Variants in IST1 observed in about 807,000 individuals in gnomAD.
IST1 encodes IST1 factor associated with ESCRT-III, also known as IST1 homolog.
IST1 carries 23 observed loss-of-function variants against 37.0 expected under a neutral mutation model. That is an observed-to-expected ratio of 0.62 (90% CI 0.45 to 0.88). The LOEUF is 0.88. IST1 is among the 40% of genes least tolerant of loss of function. The probability of loss-of-function intolerance (pLI) is 0.00; values close to 1 mark genes in which losing one functional copy is unlikely to be tolerated. For missense variants in IST1, 488 were observed against 445.4 expected, an observed-to-expected ratio of 1.10 and a Z score of -0.86; for synonymous variants, 180 against 161.7, an observed-to-expected ratio of 1.11 and a Z score of -0.86.
chr16:71,915,792 C>A (rs2037454170), intron 2 of IST1, 64 bp downstream of exon 2: 2 of 971,416 alleles, frequency 2.1e-6, no homozygotes, highest in Non-Finnish European at 1.6e-6. Context: ...AGTAATGGGT[C>A]TTTCAGGCCA....
At chr16:71,911,865 C>T (rs896434530) in intron 1 of IST1, among the ~76,000 whole-genome samples, 2 of 151,976 alleles carry the variant, frequency 1.3e-5, no homozygotes, top group Non-Finnish European at 2.9e-5. Context: ...TACAGGCTCG[C>T]ACCACCATGC....
intron 7 of IST1, chr16:71,923,009 T>TAGATA (rs1567473310): frequency 4.2e-6 from 2 of 476,480 alleles, no homozygotes; most frequent in Non-Finnish European, 3.7e-6. Context: ...ACAACCTTTG[T>TAGATA]AGATAAGATG....
rs954198150 is a variant in IST1 at position 71,930,330 on chromosome 16, G to A, written c.*2517G>A. On this transcript the variant is annotated 3_prime_UTR_variant, in exon 10 of 10. Coordinates refer to ENST00000378799, the MANE Select transcript of IST1 (RefSeq NM_001270975.2). Reference sequence around the variant, plus strand: ...GAGAGAGTCAAAAGATAATAAGAAGGAAAATACTTTTAAATGGACAGAAGA... The same window carrying A: ...GAGAGAGTCAAAAGATAATAAGAAGAAAAATACTTTTAAATGGACAGAAGA... The A allele has an allele frequency of 6.5e-6, 5 of 765,558 alleles. No individual in the cohort carries two copies. The highest frequency in any genetic ancestry group is 3.5e-5 in the Admixed American group (1 of 28,190). 47.4% of individuals were successfully genotyped at this position (765,558 alleles called of 1,614,324 possible).
chr16:71,897,172 C>CTT (rs35671031), intron 1 of IST1, among the ~76,000 whole-genome samples: 2 of 65,508 alleles, frequency 3.1e-5, no homozygotes, highest in Non-Finnish European at 5.5e-5. Flanking sequence ...CCACGCCTGG[C>CTT]TTTTTTTTTT....
In IST1 at chr16:71,929,660, C is replaced by G; in HGVS notation, c.*1847C>G. On this transcript the variant is annotated 3_prime_UTR_variant, in exon 10 of 10. Transcript: ENST00000378799. ...TTTGAGAGCTTCTGTAGCAGTGTAT[C>G]TATTAGTGCAGCTTCTTTCTGAGTA... The G allele has an allele frequency of 1.3e-6, 2 of 1,548,794 alleles. No individual in the cohort carries two copies. The highest frequency in any genetic ancestry group is 1.7e-6 in the Non-Finnish European group (2 of 1,146,142).
intron 1 of IST1, among the ~76,000 whole-genome samples, chr16:71,910,616 A>AG (rs1178538562): frequency 6.6e-6 from 1 of 151,438 alleles, no homozygotes; most frequent in East Asian, 1.9e-4. Flanking sequence ...AAAAAAAAAA[A>AG]AAGAAAAAAA....
rs763645311 is a variant in IST1, at chr16:71,915,639, G to A, written c.-2G>A. The A allele has an allele frequency of 1.9e-6, 3 of 1,610,068 alleles. No individual in the cohort carries two copies. In the Admixed American group the frequency reaches 5.1e-5, roughly 27 times the overall value. On this transcript the variant is annotated 5_prime_UTR_variant, in exon 2 of 10. Transcript: ENST00000378799. Reference sequence around the variant, plus strand: ...TTCTGTTTCTAGGAGGAACAGCACAGCATGCTGGGCTCTGGATTTAAAGCT... The same window carrying A: ...TTCTGTTTCTAGGAGGAACAGCACAACATGCTGGGCTCTGGATTTAAAGCT...
chr16:71,908,528 G>T (rs1484012972), intron 1 of IST1, among the ~76,000 whole-genome samples: 3 of 151,978 alleles, frequency 2.0e-5, no homozygotes, highest in African/African-American at 7.3e-5. Flanking sequence ...AATACCACCC[G>T]CCTTGGCCTC....
rs749874324 is a variant in IST1 at position 71,923,368 on chromosome 16, A to G, written c.840A>G (p.Pro280=). 28 of 1,603,204 alleles carry G rather than the reference A, an allele frequency of 1.7e-5. No individual in the cohort carries two copies. The highest frequency in any genetic ancestry group is 1.6e-4 in the Middle Eastern group (1 of 6,064). Residue 280 remains proline (P), a synonymous_variant, in exon 8 of 10, where the codon CCA becomes CCG. Transcript: ENST00000378799. The part of the protein sequence containing the change: ...IHPPQIPATP[P]SYESVDDINA... ...CACCTCAGATACCAGCAACTCCCCC[A>G]TCGTATGAATCTGTAAGTGCCTGAG...
In IST1 at chr16:71,912,825, C is replaced by G. The variant is rs187072674; in HGVS notation, c.-15-2801C>G. Reference sequence around the variant, plus strand: ...TTCTGTTTCTCTGAATTTTAGATACCTCACAAAAGCAGAATCTTACAGTAT... The same window carrying G: ...TTCTGTTTCTCTGAATTTTAGATACGTCACAAAAGCAGAATCTTACAGTAT... On this transcript the variant is annotated intron_variant, in intron 1 of 9. Transcript: ENST00000378799. 4.0e-4 allele frequency among the ~76,000 whole-genome samples: 61 copies of G among 152,310 alleles called. 1 individual carries two copies. Among genetic ancestry groups the G allele is most frequent in the Admixed American group, 3.9e-3 (60 of 15,292 alleles).
At chr16:71,906,922 T>C (rs2018384) in intron 1 of IST1, among the ~76,000 whole-genome samples, 121,051 of 151,950 alleles carry the variant, frequency 0.8, 48,586 homozygotes, top group East Asian at 0.98. Context: ...CCCAGCTACT[T>C]GGGAGGCTGA....
intron 1 of IST1, among the ~76,000 whole-genome samples, chr16:71,909,222 C>G (rs1344549814): frequency 2.6e-5 from 4 of 151,712 alleles, no homozygotes; most frequent in Admixed American, 2.0e-4. Flanking sequence ...AGCCTCCCAC[C>G]TCACCCTTGC....
At chr16:71,924,991 T>C (rs1213471314) in intron 9 of IST1, among the ~76,000 whole-genome samples, 174 bp downstream of exon 9, 1 of 151,308 alleles carries the variant, frequency 6.6e-6, no homozygotes, top group Non-Finnish European at 1.5e-5. Context: ...TAAGTACAAA[T>C]CCTAAGTGAT....
At chr16:71,896,854 A>G (rs1010588490) in intron 1 of IST1, among the ~76,000 whole-genome samples, 5 of 152,080 alleles carry the variant, frequency 3.3e-5, no homozygotes, top group African/African-American at 7.2e-5. Flanking sequence ...GCCCGCATCT[A>G]TAGTCCAGGA....
At chr16:71,896,120 C>A (rs966144207) in intron 1 of IST1, among the ~76,000 whole-genome samples, 5 of 152,172 alleles carry the variant, frequency 3.3e-5, no homozygotes, top group African/African-American at 1.2e-4. Context: ...GAGAAAATTA[C>A]AATTTCTTTC....
intron 1 of IST1, among the ~76,000 whole-genome samples, chr16:71,897,420 A>G (rs2036998788): frequency 1.3e-5 from 2 of 152,110 alleles, no homozygotes; most frequent in South Asian, 2.1e-4. Flanking sequence ...TCTGGCTTCT[A>G]AATTATCAGG....
chr16:71,921,274 C>T lies in IST1; in HGVS notation c.442-69C>T, dbSNP rs116941877. On this transcript the variant is annotated intron_variant, in intron 5 of 9. Coordinates refer to ENST00000378799, the MANE Select transcript of IST1 (RefSeq NM_001270975.2). ...CCTGTAAAATGAGAGGAGCTAACTTCGCATAGTGAGGTGAGGATTAGGCTG... is the reference window on the plus strand; with the variant it reads ...CCTGTAAAATGAGAGGAGCTAACTTTGCATAGTGAGGTGAGGATTAGGCTG... 717 of 903,052 alleles carry T rather than the reference C, an allele frequency of 7.9e-4. 7 individuals carry two copies. The East Asian group carries it at 0.013, about 16-fold the overall frequency. 55.9% of individuals were successfully genotyped at this position (903,052 alleles called of 1,614,324 possible). A position where few individuals can be genotyped will look rare whatever the true frequency, so the allele number is the denominator to read the frequency against.
chr16:71,917,925 T>C (rs1036919294), intron 4 of IST1, among the ~76,000 whole-genome samples: 3 of 152,244 alleles, frequency 2.0e-5, no homozygotes, highest in Non-Finnish European at 4.4e-5. Context: ...TTCTTAGTTT[T>C]ATAGTAGAGG....
chr16:71,921,852 G>A (rs2142584463), intron 6 of IST1: 1 of 195,238 alleles, frequency 5.1e-6, no homozygotes, highest in South Asian at 8.8e-5. Flanking sequence ...TCCACCAGTT[G>A]GCCAGGTGCG....
Sources: gnomAD v4.1 joint callset for allele counts (sites outside exome capture counted in the v4.1 genomes callset) on GRCh38, gnomAD v4.1.1 for gene constraint, MANE v1.5 for transcripts, NCBI Gene and HGNC (gene_info 2026-07-23, HGNC 2026-07-21) for gene names.